The following ZNF704 variants were observed in gnomAD, a reference collection of about 807,000 sequenced individuals.
ZNF704 encodes glucocorticoid induced gene 1.
Under a neutral mutation model 44.7 loss-of-function variants are expected in ZNF704, and 10 were observed. That is an observed-to-expected ratio of 0.22 (90% CI 0.14 to 0.38). The LOEUF is 0.38. Ranked by LOEUF, ZNF704 falls within the 10% of genes least tolerant of loss-of-function variation. The probability of loss-of-function intolerance (pLI) is 1.00; values close to 1 mark genes in which losing one functional copy is unlikely to be tolerated. For synonymous variants in ZNF704, 211 were observed against 207.6 expected (o/e 1.02, Z -0.14); for missense variants, 390 against 545.5 (o/e 0.71, Z 2.84).
Position 80,630,148 on chromosome 8 carries a change from C to T in ZNF704, c.*11218G>A, listed in dbSNP as rs879338644. ...GCTATGAAAAAAATTTACTTGGATT[C>T]GATACAAAATACATGCTACTCTTTG... On this transcript the variant is annotated 3_prime_UTR_variant, in exon 9 of 9. Transcript: ENST00000327835. 3.3e-5 allele frequency: 5 copies of T among 152,082 alleles called. No homozygotes were observed. Among genetic ancestry groups the T allele is most frequent in the African/African-American group, 4.8e-5 (2 of 41,412 alleles). The allele number at this position is 152,082 out of a possible 1,614,324, so 9.4% of individuals were successfully genotyped here.
At chr8:80,708,948 C>G (rs1401113791) in intron 2 of ZNF704, among the ~76,000 whole-genome samples, 2 of 151,866 alleles carry the variant, frequency 1.3e-5, no homozygotes, top group Non-Finnish European at 2.9e-5. Context: ...GCACATAGAC[C>G]ACAGAACTGG....
At chr8:80,813,242 T>C (rs76539809) in intron 2 of ZNF704, among the ~76,000 whole-genome samples, 1 of 152,228 alleles carries the variant, frequency 6.6e-6, no homozygotes, top group Non-Finnish European at 1.5e-5. Context: ...AAGGACTCTT[T>C]GGAAGTGATA....
Position 80,850,782 on chromosome 8 carries a change from T to C in ZNF704, c.-22+23789A>G, listed in dbSNP as rs546689952. Among the ~76,000 whole-genome samples, 3 of 152,294 alleles carry C rather than the reference T, an allele frequency of 2.0e-5. No homozygotes were observed. In the East Asian group the frequency reaches 5.8e-4, roughly 29 times the overall value. ...TACTACAGAACTCATAAGGCTATAC[T>C]GCAAATACATGCATATGTGTTTGTT... On this transcript the variant is annotated intron_variant, in intron 1 of 8. Transcript: ENST00000327835.
intron 2 of ZNF704, among the ~76,000 whole-genome samples, chr8:80,736,707 G>A (rs986141455): frequency 6.6e-6 from 1 of 152,138 alleles, no homozygotes; most frequent in African/African-American, 2.4e-5. Flanking sequence ...AATAGTGGGA[G>A]GAGGGTAAGG....
intron 2 of ZNF704, among the ~76,000 whole-genome samples, chr8:80,719,958 G>A (rs1160495792): frequency 2.6e-5 from 4 of 152,138 alleles, no homozygotes; most frequent in East Asian, 1.9e-4. Context: ...TTCTATACAC[G>A]TTGTCTCATT....
chr8:80,704,961 T>C (rs1294740054), intron 2 of ZNF704, among the ~76,000 whole-genome samples: 1 of 152,336 alleles, frequency 6.6e-6, no homozygotes, highest in African/African-American at 2.4e-5. Flanking sequence ...TAAAACAACC[T>C]GAAACAACCT....
intron 7 of ZNF704, among the ~76,000 whole-genome samples, chr8:80,651,347 C>T (rs766436469): frequency 1.1e-4 from 16 of 152,190 alleles, no homozygotes; most frequent in African/African-American, 3.6e-4. Context: ...GGGCTAAATG[C>T]TCCAATTAAA....
At chr8:80,836,947 A>ATT (rs1292151635) in intron 1 of ZNF704, among the ~76,000 whole-genome samples, 3 of 146,842 alleles carry the variant, frequency 2.0e-5, no homozygotes, top group African/African-American at 7.5e-5. Flanking sequence ...GATAACAGGC[A>ATT]TTTTTTTTTT....
intron 2 of ZNF704, among the ~76,000 whole-genome samples, chr8:80,774,900 A>G (rs1210570677): frequency 3.3e-5 from 5 of 152,146 alleles, no homozygotes; most frequent in Non-Finnish European, 5.9e-5. Context: ...CAAGTCTGGG[A>G]TACACGAAGC....
At chr8:80,839,139 C>A (rs763309563) in intron 1 of ZNF704, among the ~76,000 whole-genome samples, 1 of 152,220 alleles carries the variant, frequency 6.6e-6, no homozygotes, top group Non-Finnish European at 1.5e-5. Context: ...CTGGTTTCAA[C>A]TTCTTTCAAT....
At chr8:80,678,029 T>C (rs1490476487) in intron 4 of ZNF704, among the ~76,000 whole-genome samples, 4 of 152,254 alleles carry the variant, frequency 2.6e-5, no homozygotes, top group Non-Finnish European at 5.9e-5. Flanking sequence ...CTTCACTTTA[T>C]ATCGTACATT....
chr8:80,836,932 A>C (rs1234572778), intron 1 of ZNF704, among the ~76,000 whole-genome samples: 1 of 152,126 alleles, frequency 6.6e-6, no homozygotes, highest in Non-Finnish European at 1.5e-5. Flanking sequence ...TATTCGCTCC[A>C]TGAAGATAAC....
At chr8:80,662,212 T>C (rs980822603) in intron 6 of ZNF704, among the ~76,000 whole-genome samples, 1 of 152,204 alleles carries the variant, frequency 6.6e-6, no homozygotes, top group East Asian at 1.9e-4. Context: ...TGCAAATGTA[T>C]AAACACAGAA....
intron 2 of ZNF704, among the ~76,000 whole-genome samples, chr8:80,780,857 C>T (rs756329898): frequency 4.6e-5 from 7 of 152,134 alleles, no homozygotes; most frequent in Non-Finnish European, 1.0e-4. Context: ...GAACAAACTT[C>T]TGTTGGTCAG....
chr8:80,653,300 T>C (rs2131598925), intron 7 of ZNF704, among the ~76,000 whole-genome samples: 1 of 152,240 alleles, frequency 6.6e-6, no homozygotes, highest in Non-Finnish European at 1.5e-5. Context: ...TTCAACATAG[T>C]GTTGGAAGTT....
chr8:80,646,632 C>G (rs1057286008), intron 7 of ZNF704, among the ~76,000 whole-genome samples: 2 of 152,094 alleles, frequency 1.3e-5, no homozygotes, highest in African/African-American at 4.8e-5. Flanking sequence ...AAAATAAAAG[C>G]TTTGGAGTTC....
chr8:80,787,344 C>T (rs1236476865), intron 2 of ZNF704, among the ~76,000 whole-genome samples: 1 of 152,144 alleles, frequency 6.6e-6, no homozygotes, highest in African/African-American at 2.4e-5. Flanking sequence ...ACACACTCAC[C>T]TTAAAGGTCT....
intron 1 of ZNF704, among the ~76,000 whole-genome samples, chr8:80,848,967 TTAAAA>T (rs1229465357): frequency 6.6e-6 from 1 of 152,126 alleles, no homozygotes; most frequent in African/African-American, 2.4e-5. Flanking sequence ...GCCACACTCC[TTAAAA>T]TAAAATATTA....
chr8:80,820,899 C>G (rs1808258359), intron 2 of ZNF704, among the ~76,000 whole-genome samples: 1 of 151,844 alleles, frequency 6.6e-6, no homozygotes, highest in Non-Finnish European at 1.5e-5. Flanking sequence ...GAACCAGACC[C>G]TATCTCTATT....
Sources: gnomAD v4.1 joint callset for allele counts (sites outside exome capture counted in the v4.1 genomes callset) on GRCh38, gnomAD v4.1.1 for gene constraint, MANE v1.5 for transcripts, NCBI Gene and HGNC (gene_info 2026-07-23, HGNC 2026-07-21) for gene names.